MACROD2: variants seen among roughly 807,000 people sequenced by gnomAD.
The protein encoded by MACROD2 is mono-ADP ribosylhydrolase 2, also known as ADP-ribose glycohydrolase MACROD2.
In MACROD2, 36 loss-of-function variants were observed where a neutral mutation model predicts 70.4. The observed-to-expected ratio is 0.51, with a 90% confidence interval of 0.39 to 0.68. The LOEUF (loss-of-function observed/expected upper bound fraction) is 0.68, where lower values mean the gene tolerates loss of function less well. MACROD2 is among the 30% of genes least tolerant of loss of function. The pLI, the probability that MACROD2 is intolerant of heterozygous loss-of-function variation, is 0.00. For synonymous variants in MACROD2, 172 were observed against 178.8 expected (o/e 0.96, Z 0.30); for missense variants, 496 against 538.4 (o/e 0.92, Z 0.78).
rs572239309 is a variant in MACROD2, at chr20:14,264,262, G to T, written c.271+178534G>T. On this transcript the variant is annotated intron_variant, in intron 3 of 17. Coordinates refer to ENST00000684519, the MANE Select transcript of MACROD2 (RefSeq NM_001351661.2). ...TCTCTGAGATCCAAGTAAATATATT[G>T]TAAGTAAACAAGTGAGAAAGCTTAC... Among the ~76,000 whole-genome samples, 5 of 152,246 alleles carry T rather than the reference G, an allele frequency of 3.3e-5. No homozygotes were observed. The East Asian group carries it at 9.7e-4, about 29-fold the overall frequency.
intron 7 of MACROD2, among the ~76,000 whole-genome samples, chr20:15,484,213 C>A (rs1251494940): frequency 6.6e-6 from 1 of 151,624 alleles, no homozygotes; most frequent in Non-Finnish European, 1.5e-5. Flanking sequence ...TTGCTTTTTT[C>A]TTTTAGTAAG....
chr20:14,106,173 T>C (rs2054365729), intron 3 of MACROD2, among the ~76,000 whole-genome samples: 1 of 152,174 alleles, frequency 6.6e-6, no homozygotes, highest in Non-Finnish European at 1.5e-5. Flanking sequence ...CCCACTGCCC[T>C]GAAGGGTGAG....
At chr20:15,047,037 T>C (rs2075400050) in intron 5 of MACROD2, among the ~76,000 whole-genome samples, 1 of 152,224 alleles carries the variant, frequency 6.6e-6, no homozygotes, top group Admixed American at 6.5e-5. Context: ...TGCCCTTGGC[T>C]GAAAAGCACA....
chr20:15,975,553 T>A (rs1331485638), intron 13 of MACROD2, among the ~76,000 whole-genome samples: 1 of 152,206 alleles, frequency 6.6e-6, no homozygotes, highest in African/African-American at 2.4e-5. Flanking sequence ...TTAATTGTAA[T>A]GACAGAGGAT....
chr20:15,257,851 C>T (rs1396995316), intron 6 of MACROD2, among the ~76,000 whole-genome samples: 1 of 151,998 alleles, frequency 6.6e-6, no homozygotes, highest in Non-Finnish European at 1.5e-5. Context: ...GCAGTTCCTT[C>T]TGGAGGTATT....
chr20:15,937,540 T>C lies in MACROD2; in HGVS notation c.903T>C (p.Asp301=). 1 of 1,613,018 alleles carries C rather than the reference T, an allele frequency of 6.2e-7. No individual in the cohort carries two copies. Among genetic ancestry groups the C allele is most frequent in the Non-Finnish European group, 8.5e-7 (1 of 1,179,218 alleles). The change falls in exon 12 of 18, where the codon GAT becomes GAC. Residue 301 remains aspartate (D), a synonymous_variant. Transcript: ENST00000684519. ...AAGAGGCAGTTGAAGACTGTAAAGA[T>C]GAAGGTATGAGGCTACTAACTATAT... The part of the protein sequence containing the change: ...ASEEAVEDCK[D]EDFAKDENIT...
intron 3 of MACROD2, among the ~76,000 whole-genome samples, chr20:14,371,987 A>G (rs1367940797): frequency 6.6e-6 from 1 of 152,058 alleles, no homozygotes; most frequent in Non-Finnish European, 1.5e-5. Flanking sequence ...AGCATTCATA[A>G]TAGTTTCTAG....
chr20:14,789,382 G>T (rs1464545827), intron 5 of MACROD2, among the ~76,000 whole-genome samples: 1 of 145,366 alleles, frequency 6.9e-6, no homozygotes, highest in African/African-American at 2.5e-5. Context: ...ATCCAGGGCA[G>T]CCATCCAAGA....
At chr20:14,457,721 C>T (rs1001685038) in intron 3 of MACROD2, among the ~76,000 whole-genome samples, 3 of 152,186 alleles carry the variant, frequency 2.0e-5, no homozygotes, top group South Asian at 4.1e-4. Flanking sequence ...AATGATGATC[C>T]GTTAATGATG....
intron 8 of MACROD2, among the ~76,000 whole-genome samples, chr20:15,627,432 A>G (rs1422217283): frequency 6.6e-6 from 1 of 152,194 alleles, no homozygotes; most frequent in African/African-American, 2.4e-5. Context: ...CATGCCATAC[A>G]GGAGACCAAG....
intron 5 of MACROD2, among the ~76,000 whole-genome samples, chr20:14,907,127 C>T (rs962168029): frequency 6.6e-6 from 1 of 152,322 alleles, no homozygotes; most frequent in East Asian, 1.9e-4. Flanking sequence ...TATGGCAACA[C>T]CTGGAAGTTA....
chr20:14,887,406 T>G (rs1478512181), intron 5 of MACROD2, among the ~76,000 whole-genome samples: 4 of 151,584 alleles, frequency 2.6e-5, no homozygotes, highest in Admixed American at 6.6e-5. Flanking sequence ...TTTGTTTTTT[T>G]TTTTTTTTGA....
At chr20:15,055,532 G>A (rs1205959222) in intron 5 of MACROD2, among the ~76,000 whole-genome samples, 8 of 152,164 alleles carry the variant, frequency 5.3e-5, no homozygotes, top group Admixed American at 5.2e-4. Flanking sequence ...CAAATGCATT[G>A]AAATGACAGT....
At chr20:14,727,350 G>A (rs1381430892) in intron 5 of MACROD2, among the ~76,000 whole-genome samples, 1 of 152,066 alleles carries the variant, frequency 6.6e-6, no homozygotes, top group East Asian at 1.9e-4. Context: ...GGGCAACATA[G>A]TGAGACCCTG....
chr20:15,155,087 A>G (rs1788487513), intron 5 of MACROD2, among the ~76,000 whole-genome samples: 1 of 149,488 alleles, frequency 6.7e-6, no homozygotes, highest in African/African-American at 2.5e-5. Context: ...AAGGATATAG[A>G]AGAACTCACC....
chr20:14,159,938 C>T lies in MACROD2; in HGVS notation c.271+74210C>T, dbSNP rs192643037. ...TGAGAATTTTTGTGATGAAGTGGTG[C>T]TGATTTTTATCAGATGCGTTTTCTG... On this transcript the variant is annotated intron_variant, in intron 3 of 17. Coordinates refer to ENST00000684519, the MANE Select transcript of MACROD2 (RefSeq NM_001351661.2). 3.9e-5 allele frequency among the ~76,000 whole-genome samples: 6 copies of T among 152,200 alleles called. No individual in the cohort carries two copies. In the East Asian group the frequency reaches 1.2e-3, roughly 29 times the overall value.
chr20:14,714,071 A>G (rs1016820549), intron 5 of MACROD2, among the ~76,000 whole-genome samples: 1 of 152,150 alleles, frequency 6.6e-6, no homozygotes, highest in African/African-American at 2.4e-5. Context: ...GGGGCTCTGC[A>G]TAGATAGGAA....
chr20:15,211,677 CCT>C (rs376328985), intron 5 of MACROD2, among the ~76,000 whole-genome samples: 254 of 152,244 alleles, frequency 1.7e-3, no homozygotes, highest in South Asian at 0.017. Flanking sequence ...TCGTAAGCGT[CCT>C]GAGTCCCTCA....
intron 3 of MACROD2, among the ~76,000 whole-genome samples, chr20:14,089,249 A>G (rs529800144): frequency 6.6e-6 from 1 of 152,296 alleles, no homozygotes; most frequent in African/African-American, 2.4e-5. Flanking sequence ...GTGAATATAC[A>G]CTGTAATGGC....
Sources: allele counts gnomAD v4.1 joint callset (sites outside exome capture counted in the v4.1 genomes callset), GRCh38; gene constraint gnomAD v4.1.1; transcripts MANE v1.5; gene names NCBI Gene and HGNC (gene_info 2026-07-23, HGNC 2026-07-21).